The following OPCML variants were observed in gnomAD, a reference collection of about 807,000 sequenced individuals.
OPCML encodes the protein opioid-binding protein/cell adhesion molecule.
In OPCML, 13 loss-of-function variants were observed where a neutral mutation model predicts 37.8. That is an observed-to-expected ratio of 0.34 (90% confidence interval 0.22 to 0.55). The LOEUF (loss-of-function observed/expected upper bound fraction) is 0.55, where lower values mean the gene tolerates loss of function less well. Among genes scored for constraint, OPCML ranks in the 20% least tolerant of loss-of-function variants. The probability of loss-of-function intolerance (pLI) is 0.91; values close to 1 mark genes in which losing one functional copy is unlikely to be tolerated. For synonymous variants in OPCML, 176 were observed against 168.8 expected, an observed-to-expected ratio of 1.04 and a Z score of -0.33; for missense variants, 341 against 435.6, an observed-to-expected ratio of 0.78 and a Z score of 1.93.
chr11:133,435,556 A>C (rs1946216443), intron 1 of OPCML, among the ~76,000 whole-genome samples: 2 of 152,236 alleles, frequency 1.3e-5, no homozygotes, highest in African/African-American at 4.8e-5. Flanking sequence ...CAAATAAATA[A>C]CATCCTCATT....
intron 2 of OPCML, among the ~76,000 whole-genome samples, chr11:132,740,144 A>G (rs1945391136): frequency 6.6e-6 from 1 of 152,222 alleles, no homozygotes; most frequent in Non-Finnish European, 1.5e-5. Context: ...AATAGTCAGG[A>G]AAAGATGCTA....
At chr11:133,288,529 T>C (rs1362472590) in intron 1 of OPCML, among the ~76,000 whole-genome samples, 1 of 152,214 alleles carries the variant, frequency 6.6e-6, no homozygotes, top group East Asian at 1.9e-4. Flanking sequence ...ATATGGACTG[T>C]TGCGGTGTAA....
At chr11:132,664,577 T>C (rs1413726082) in intron 2 of OPCML, among the ~76,000 whole-genome samples, 1 of 152,210 alleles carries the variant, frequency 6.6e-6, no homozygotes, top group African/African-American at 2.4e-5. Context: ...AGGAAGACCT[T>C]GCTTTAATAA....
intron 3 of OPCML, among the ~76,000 whole-genome samples, chr11:132,588,299 T>C (rs1001738535): frequency 6.6e-6 from 1 of 152,084 alleles, no homozygotes; most frequent in Non-Finnish European, 1.5e-5. Context: ...TCATAGAAAC[T>C]AGGCTTCAGA....
intron 1 of OPCML, among the ~76,000 whole-genome samples, chr11:133,393,840 G>C (rs1442208350): frequency 6.6e-6 from 1 of 152,232 alleles, no homozygotes; most frequent in Non-Finnish European, 1.5e-5. Context: ...AATGACTACA[G>C]CTTTGGCAAG....
intron 1 of OPCML, among the ~76,000 whole-genome samples, chr11:133,434,777 GA>G (rs5795841): frequency 0.19 from 21,133 of 113,206 alleles, 1,777 homozygotes; most frequent in African/African-American, 0.27. Context: ...GCTTTGGCCA[GA>G]AAAAAAAAAT....
At chr11:132,783,769 T>G (rs754055914) in intron 2 of OPCML, among the ~76,000 whole-genome samples, 5 of 152,194 alleles carry the variant, frequency 3.3e-5, no homozygotes, top group Non-Finnish European at 7.3e-5. Context: ...ATTAAAAATC[T>G]AAGTGAGACA....
intron 7 of OPCML, among the ~76,000 whole-genome samples, chr11:132,430,755 C>A (rs1160908405): frequency 6.6e-6 from 1 of 152,180 alleles, no homozygotes; most frequent in Non-Finnish European, 1.5e-5. Flanking sequence ...GCAGTCTCCC[C>A]CCTCCGTCTT....
intron 1 of OPCML, among the ~76,000 whole-genome samples, chr11:133,367,741 C>A (rs998116646): frequency 2.0e-5 from 3 of 152,160 alleles, no homozygotes; most frequent in Non-Finnish European, 4.4e-5. Context: ...TTTTCCTTTT[C>A]TTTTAGCTTG....
intron 1 of OPCML, among the ~76,000 whole-genome samples, chr11:133,379,122 A>G (rs1944876534): frequency 6.6e-6 from 1 of 152,216 alleles, no homozygotes; most frequent in Non-Finnish European, 1.5e-5. Flanking sequence ...GGGTAGAACC[A>G]AAAGCAGAGA....
At chr11:132,980,002 G>A (rs927534629) in intron 1 of OPCML, among the ~76,000 whole-genome samples, 3 of 152,362 alleles carry the variant, frequency 2.0e-5, no homozygotes, top group Admixed American at 6.5e-5. Context: ...GAGTCTAGAT[G>A]TTAGAGAGAG....
intron 4 of OPCML, among the ~76,000 whole-genome samples, chr11:132,516,863 G>C (rs1387371184): frequency 6.6e-6 from 1 of 152,124 alleles, no homozygotes; most frequent in Non-Finnish European, 1.5e-5. Context: ...CACAGCCAAG[G>C]TGTCTTTCTC....
chr11:132,857,889 G>T (rs1249471392), intron 2 of OPCML, among the ~76,000 whole-genome samples: 1 of 152,064 alleles, frequency 6.6e-6, no homozygotes, highest in Non-Finnish European at 1.5e-5. Context: ...ATGTAAAAAG[G>T]CCCCGAGACC....
chr11:132,594,437 G>A (rs2096489356), intron 3 of OPCML, among the ~76,000 whole-genome samples: 1 of 152,124 alleles, frequency 6.6e-6, no homozygotes, highest in Admixed American at 6.5e-5. Context: ...CTATAACAAT[G>A]AGATAATGGA....
intron 1 of OPCML, among the ~76,000 whole-genome samples, chr11:132,989,084 G>A (rs1388680211): frequency 1.3e-5 from 2 of 152,178 alleles, no homozygotes. Context: ...TACATTGCTG[G>A]TGAGAGGATA....
At chr11:132,672,856 G>A (rs1209772954) in intron 2 of OPCML, among the ~76,000 whole-genome samples, 2 of 152,094 alleles carry the variant, frequency 1.3e-5, no homozygotes, top group Non-Finnish European at 2.9e-5. Context: ...TCCATGCTTA[G>A]GGGCCAACAT....
chr11:133,446,945 G>C (rs147444942), intron 1 of OPCML, among the ~76,000 whole-genome samples: 10 of 152,098 alleles, frequency 6.6e-5, no homozygotes, highest in Non-Finnish European at 1.2e-4. Context: ...GATGATGAAC[G>C]TTTGCACTGT....
At chr11:132,567,189 T>G (rs934193592) in intron 3 of OPCML, among the ~76,000 whole-genome samples, 1 of 152,044 alleles carries the variant, frequency 6.6e-6, no homozygotes, top group African/African-American at 2.4e-5. Context: ...CTTCTTTTTC[T>G]CTCTAGTGGG....
chr11:132,890,842 G>A (rs570051799), intron 2 of OPCML, among the ~76,000 whole-genome samples: 47 of 138,676 alleles, frequency 3.4e-4, no homozygotes, highest in Non-Finnish European at 5.8e-4. Context: ...GGGTGACAGA[G>A]CGAGACTCCA....
Sources: allele counts gnomAD v4.1 joint callset (sites outside exome capture counted in the v4.1 genomes callset), GRCh38; gene constraint gnomAD v4.1.1; transcripts MANE v1.5; gene names NCBI Gene and HGNC (gene_info 2026-07-23, HGNC 2026-07-21).